Variants in WDR7 observed in about 807,000 individuals in gnomAD.
WDR7 encodes WD repeat-containing protein 7.
In WDR7, 46 loss-of-function variants were observed where a neutral mutation model predicts 169.4. That is an observed-to-expected ratio of 0.27 (90% CI 0.21 to 0.35). WDR7 has a LOEUF of 0.35. Among genes scored for constraint, WDR7 ranks in the 10% least tolerant of loss-of-function variants. The probability of loss-of-function intolerance (pLI) is 1.00; values close to 1 mark genes in which losing one functional copy is unlikely to be tolerated. For synonymous variants in WDR7, 612 were observed against 666.8 expected (o/e 0.92, Z 1.27); for missense variants, 1,534 against 1,859.3 (o/e 0.83, Z 3.22).
At chr18:56,846,369 G>A in intron 20 of WDR7, among the ~76,000 whole-genome samples, 1 of 151,976 alleles carries the variant, frequency 6.6e-6, no homozygotes, top group Non-Finnish European at 1.5e-5. Flanking sequence ...ATTGGATCAG[G>A]GGTGCCAGTC....
chr18:56,665,190 G>A (rs745728683), intron 1 of WDR7, among the ~76,000 whole-genome samples: 1 of 151,934 alleles, frequency 6.6e-6, no homozygotes, highest in Non-Finnish European at 1.5e-5. Context: ...CTACTCAGGA[G>A]GCTGGGGCAG....
intron 3 of WDR7, among the ~76,000 whole-genome samples, chr18:56,681,098 A>C (rs866436241): frequency 6.6e-6 from 1 of 152,266 alleles, no homozygotes; most frequent in Middle Eastern, 3.4e-3. Flanking sequence ...GGGCCTACAA[A>C]GAATGTGGAC....
At chr18:56,841,347 GC>G (rs2045483267) in intron 20 of WDR7, among the ~76,000 whole-genome samples, 1 of 152,066 alleles carries the variant, frequency 6.6e-6, no homozygotes, top group Admixed American at 6.6e-5. Flanking sequence ...TTTGAGACCA[GC>G]CTGGCCAACA....
At chr18:56,795,039 C>T (rs2044559703) in intron 19 of WDR7, among the ~76,000 whole-genome samples, 1 of 152,178 alleles carries the variant, frequency 6.6e-6, no homozygotes, top group African/African-American at 2.4e-5. Flanking sequence ...AACTACTCTG[C>T]ACCCTGGCTA....
chr18:56,732,463 G>GA (rs1249375706), intron 14 of WDR7, among the ~76,000 whole-genome samples: 1 of 152,060 alleles, frequency 6.6e-6, no homozygotes, highest in Non-Finnish European at 1.5e-5. Context: ...TTAGACATGT[G>GA]AATAAATAGT....
intron 26 of WDR7, among the ~76,000 whole-genome samples, chr18:56,992,836 A>T (rs576146502): frequency 6.6e-6 from 1 of 152,300 alleles, no homozygotes; most frequent in East Asian, 1.9e-4. Context: ...AACCTACAGC[A>T]TGCATTTGGT....
chr18:56,763,009 G>A (rs1265007721), intron 16 of WDR7, among the ~76,000 whole-genome samples: 1 of 151,606 alleles, frequency 6.6e-6, no homozygotes, highest in African/African-American at 2.4e-5. Context: ...CGCCCAGGCT[G>A]GAGTGCAGTG....
intron 21 of WDR7, among the ~76,000 whole-genome samples, chr18:56,896,169 C>A (rs559175253): frequency 6.6e-6 from 1 of 151,794 alleles, no homozygotes; most frequent in African/African-American, 2.4e-5. Flanking sequence ...TAAAATCTTA[C>A]TGAAAGAGAT....
chr18:56,757,946 G>A (rs1323573569), intron 15 of WDR7, among the ~76,000 whole-genome samples: 1 of 150,850 alleles, frequency 6.6e-6, no homozygotes, highest in Non-Finnish European at 1.5e-5. Context: ...TCCAGCCTAA[G>A]CAACAGAGTA....
At chr18:56,900,282 G>T (rs890289771) in intron 21 of WDR7, among the ~76,000 whole-genome samples, 2 of 151,934 alleles carry the variant, frequency 1.3e-5, no homozygotes, top group Non-Finnish European at 2.9e-5. Flanking sequence ...GAATTTTCTA[G>T]AATACTATTA....
chr18:56,973,448 C>G (rs1056756619), intron 26 of WDR7, among the ~76,000 whole-genome samples: 1 of 151,974 alleles, frequency 6.6e-6, no homozygotes, highest in Non-Finnish European at 1.5e-5. Context: ...CTCTTCAACA[C>G]TAAAAAGATA....
At chr18:56,873,235 G>C (rs1054450098) in intron 20 of WDR7, among the ~76,000 whole-genome samples, 5 of 152,084 alleles carry the variant, frequency 3.3e-5, no homozygotes, top group African/African-American at 1.2e-4. Context: ...CCAGTTGGGC[G>C]GTGTTCTTAT....
chr18:56,721,922 A>G (rs1361017403), intron 13 of WDR7, among the ~76,000 whole-genome samples: 1 of 152,204 alleles, frequency 6.6e-6, no homozygotes, highest in Non-Finnish European at 1.5e-5. Context: ...AACACCATTA[A>G]TGCTTGACAA....
At chr18:56,849,701 A>G (rs1314054832) in intron 20 of WDR7, among the ~76,000 whole-genome samples, 1 of 152,218 alleles carries the variant, frequency 6.6e-6, no homozygotes, top group African/African-American at 2.4e-5. Context: ...CGTAAATCAG[A>G]TCATTCAAAT....
At chr18:56,898,696 G>A (rs1401010314) in intron 21 of WDR7, among the ~76,000 whole-genome samples, 2 of 152,054 alleles carry the variant, frequency 1.3e-5, no homozygotes, top group Non-Finnish European at 2.9e-5. Context: ...TCTTGGAAGA[G>A]AAGATGAACC....
At chr18:56,787,931 G>T (rs1040964286) in intron 19 of WDR7, among the ~76,000 whole-genome samples, 2 of 152,284 alleles carry the variant, frequency 1.3e-5, no homozygotes, top group East Asian at 3.9e-4. Context: ...AGGACGGGGG[G>T]AAGGATAGGG....
intron 26 of WDR7, among the ~76,000 whole-genome samples, chr18:56,997,850 T>C (rs2047919866): frequency 1.3e-5 from 2 of 152,190 alleles, no homozygotes; most frequent in Non-Finnish European, 2.9e-5. Context: ...AATCAGCCTT[T>C]CTCCTTTGCA....
chr18:56,771,697 C>T (rs1199549819), intron 16 of WDR7, among the ~76,000 whole-genome samples: 2 of 151,564 alleles, frequency 1.3e-5, no homozygotes, highest in Non-Finnish European at 2.9e-5. Context: ...GCCTGACCAA[C>T]TTGGAGAAAC....
chr18:56,928,832 A>G (rs1176736161), intron 22 of WDR7, among the ~76,000 whole-genome samples: 1 of 152,170 alleles, frequency 6.6e-6, no homozygotes, highest in African/African-American at 2.4e-5. Context: ...TACTGAAAAA[A>G]ATAAGATTCA....
Sources: allele counts gnomAD v4.1 joint callset (sites outside exome capture counted in the v4.1 genomes callset), GRCh38; gene constraint gnomAD v4.1.1; transcripts MANE v1.5; gene names NCBI Gene and HGNC (gene_info 2026-07-23, HGNC 2026-07-21).